The following TMC1 variants were observed in gnomAD, a reference collection of about 807,000 sequenced individuals.
TMC1 encodes the protein transmembrane channel like 1.
TMC1 carries 84 observed loss-of-function variants against 105.8 expected under a neutral mutation model. The ratio of observed to expected loss-of-function variants is 0.79; its 90% CI spans 0.67 to 0.95. The LOEUF (loss-of-function observed/expected upper bound fraction) is 0.95, where lower values mean the gene tolerates loss of function less well. Ranked by LOEUF, TMC1 falls within the 40% of genes least tolerant of loss-of-function variation. TMC1 has a pLI of 0.00. For missense variants in TMC1, 817 were observed against 914.1 expected, an observed-to-expected ratio of 0.89 and a Z score of 1.37; for synonymous variants, 315 against 311.5, an observed-to-expected ratio of 1.01 and a Z score of -0.12.
At chr9:72,690,079 A>T (rs1454224112) in intron 6 of TMC1, among the ~76,000 whole-genome samples, 1 of 151,714 alleles carries the variant, frequency 6.6e-6, no homozygotes, top group Non-Finnish European at 1.5e-5. Flanking sequence ...TATTATAGTG[A>T]TATACTTTGA....
chr9:72,804,326 A>G (rs1179958091), intron 17 of TMC1, among the ~76,000 whole-genome samples: 2 of 152,212 alleles, frequency 1.3e-5, no homozygotes, highest in Non-Finnish European at 2.9e-5. Flanking sequence ...GCAAACCACC[A>G]TGGCATGTGT....
At chr9:72,722,642 T>G (rs1237472844) in intron 8 of TMC1, among the ~76,000 whole-genome samples, 1 of 152,190 alleles carries the variant, frequency 6.6e-6, no homozygotes, top group Non-Finnish European at 1.5e-5. Flanking sequence ...CATAGTGCTT[T>G]GTATGCAATA....
At position 72,589,792 on chromosome 9, in the gene TMC1, T is replaced by C. The variant is rs564471022; in HGVS notation, c.-306+11769T>C. On this transcript the variant is annotated intron_variant, in intron 2 of 23. Transcript: ENST00000297784. Reference sequence around the variant, plus strand: ...AAAATTTTACAGCCAAAAACAACTTTAAAGGTCGTTTAGATGGAACTTCTT... The same window carrying C: ...AAAATTTTACAGCCAAAAACAACTTCAAAGGTCGTTTAGATGGAACTTCTT... Among the ~76,000 whole-genome samples, 144 of 152,234 alleles carry C rather than the reference T, an allele frequency of 9.5e-4. 2 individuals carry two copies. The highest frequency in any genetic ancestry group is 1.4e-3 in the Non-Finnish European group (92 of 68,040).
intron 2 of TMC1, among the ~76,000 whole-genome samples, chr9:72,611,443 C>T (rs189357887): frequency 6.6e-6 from 1 of 152,334 alleles, no homozygotes; most frequent in East Asian, 1.9e-4. Context: ...ATATTAAGGA[C>T]AAGTTTCAGC....
Position 72,725,011 on chromosome 9 carries a change from A to G in TMC1, c.363-15108A>G, listed in dbSNP as rs184672526. Among the ~76,000 whole-genome samples the G allele has an allele frequency of 7.8e-3, 1,190 of 152,156 alleles. 10 individuals are homozygous for G. Among genetic ancestry groups the G allele is most frequent in the Non-Finnish European group, 0.013 (913 of 67,988 alleles). On this transcript the variant is annotated intron_variant, in intron 8 of 23. Transcript: ENST00000297784. ...AAGCACAAAATAAGATTAATCAGAG[A>G]AATGTGTCCTTGCTGTTTTGGGGAA... is the stretch of plus-strand genomic sequence containing the variant.
chr9:72,777,523 C>T (rs1159288482), intron 13 of TMC1, among the ~76,000 whole-genome samples: 5 of 152,092 alleles, frequency 3.3e-5, no homozygotes, highest in Non-Finnish European at 7.4e-5. Context: ...CTGGCAAATC[C>T]CACAAAACAT....
intron 8 of TMC1, among the ~76,000 whole-genome samples, chr9:72,706,846 C>T (rs146300453): frequency 1.4e-3 from 206 of 151,104 alleles, no homozygotes; most frequent in Non-Finnish European, 2.2e-3. Flanking sequence ...GTGATCTCGG[C>T]TCACTGCAAC....
At chr9:72,831,602 G>A (rs1314501100) in intron 23 of TMC1, among the ~76,000 whole-genome samples, 6 of 151,858 alleles carry the variant, frequency 4.0e-5, no homozygotes, top group South Asian at 2.1e-4. Flanking sequence ...CCCACCGCAC[G>A]ACAGGCCCCG....
At chr9:72,671,631 C>CA (rs1439865439) in intron 5 of TMC1, among the ~76,000 whole-genome samples, 2 of 152,106 alleles carry the variant, frequency 1.3e-5, no homozygotes, top group African/African-American at 2.4e-5. Context: ...ATGGTAGGGA[C>CA]ATGAGCATCC....
intron 1 of TMC1, among the ~76,000 whole-genome samples, chr9:72,551,468 C>G (rs544227480): frequency 1.3e-5 from 2 of 152,190 alleles, no homozygotes; most frequent in African/African-American, 2.4e-5. Context: ...TAGCATGTTG[C>G]TGGGAAATCT....
At position 72,789,246 on chromosome 9, in the gene TMC1, T is replaced by G; in HGVS notation, c.1153T>G (p.Trp385Gly). 1 of 1,614,080 alleles carries G rather than the reference T, an allele frequency of 6.2e-7. No homozygotes were observed. Among genetic ancestry groups the G allele is most frequent in the Non-Finnish European group, 8.5e-7 (1 of 1,179,938 alleles). Reference protein sequence around the residue: ...TLGGSGYLIFWAVKRSQEFAQ... With the variant: ...TLGGSGYLIFGAVKRSQEFAQ... ...TGGAGGGAGTGGATACCTCATCTTT[T>G]GGGCTGTGAAGCGATCCCAGGAATT... Residue 385 changes from tryptophan (W) to glycine (G), a missense_variant, in exon 15 of 24, where the codon TGG becomes GGG. Transcript: ENST00000297784.
intron 2 of TMC1, among the ~76,000 whole-genome samples, chr9:72,581,034 C>T (rs1014230438): frequency 6.6e-6 from 1 of 152,072 alleles, no homozygotes; most frequent in Non-Finnish European, 1.5e-5. Flanking sequence ...TGCAAAAGTT[C>T]GATAACTCTG....
intron 1 of TMC1, among the ~76,000 whole-genome samples, chr9:72,537,405 G>A (rs995333922): frequency 2.0e-5 from 3 of 152,102 alleles, no homozygotes; most frequent in African/African-American, 7.2e-5. Flanking sequence ...CTACCACAGG[G>A]CCAGGCTGTA....
Position 72,820,803 on chromosome 9 carries a change from A to G in TMC1, c.1764-39A>G, listed in dbSNP as rs768563093. 9.9e-6 allele frequency: 16 copies of G among 1,613,010 alleles called. No individual in the cohort carries two copies. In the Admixed American group the frequency reaches 1.5e-4, roughly 15 times the overall value. On this transcript the variant is annotated intron_variant, in intron 19 of 23. Transcript: ENST00000297784. ...GTGCAGTGTGACTTTGTTATGGAGT[A>G]AAGACTCAAAACTGAGCAGAGTTCT...
intron 21 of TMC1, 115 bp from the exon 22 acceptor site, chr9:72,830,336 T>C (rs570137733): frequency 7.8e-6 from 6 of 769,690 alleles, no homozygotes; most frequent in Admixed American, 4.3e-5. Flanking sequence ...GAGTAGAAGA[T>C]AGCTTAATGT....
chr9:72,677,767 A>T (rs532166238), intron 5 of TMC1, among the ~76,000 whole-genome samples: 2 of 147,456 alleles, frequency 1.4e-5, no homozygotes, highest in South Asian at 2.1e-4. Context: ...TCATGTTTTG[A>T]CCTTCCCTGT....
At chr9:72,602,366 A>ATTTT (rs66682329) in intron 2 of TMC1, among the ~76,000 whole-genome samples, 2 of 86,552 alleles carry the variant, frequency 2.3e-5, no homozygotes, top group Non-Finnish European at 4.2e-5. Flanking sequence ...CCTATTGGTG[A>ATTTT]TTTTTTTTTT....
chr9:72,821,502 C>CAAAAAAA (rs35069464), intron 20 of TMC1, among the ~76,000 whole-genome samples: 2 of 105,544 alleles, frequency 1.9e-5, no homozygotes, highest in African/African-American at 7.0e-5. Context: ...AACTCTGTCT[C>CAAAAAAA]AAAAAAAAAA....
intron 18 of TMC1, among the ~76,000 whole-genome samples, chr9:72,810,508 T>TCTGGA: frequency 6.6e-6 from 1 of 152,332 alleles, no homozygotes; most frequent in African/African-American, 2.4e-5. Flanking sequence ...AGATTAATTA[T>TCTGGA]TTGGATTGTT....
Sources: allele counts gnomAD v4.1 joint callset (sites outside exome capture counted in the v4.1 genomes callset), GRCh38; gene constraint gnomAD v4.1.1; transcripts MANE v1.5; gene names NCBI Gene and HGNC (gene_info 2026-07-23, HGNC 2026-07-21).